UBE2U: variants seen among roughly 807,000 people sequenced by gnomAD.
The protein encoded by UBE2U is ubiquitin-conjugating enzyme E2 U.
A neutral mutation model predicts 41.2 loss-of-function variants in UBE2U; 39 were observed. The observed-to-expected ratio is 0.95, with a 90% CI of 0.73 to 1.24. UBE2U has a LOEUF of 1.24. UBE2U is among the 50% of genes most tolerant of loss of function. The pLI, the probability that UBE2U is intolerant of heterozygous loss-of-function variation, is 0.00. For missense variants in UBE2U, 336 were observed against 363.1 expected, an observed-to-expected ratio of 0.93 and a Z score of 0.61; for synonymous variants, 107 against 117.8, an observed-to-expected ratio of 0.91 and a Z score of 0.60.
chr1:64,221,151 G>A (rs747209003), intron 6 of UBE2U, among the ~76,000 whole-genome samples: 2 of 151,864 alleles, frequency 1.3e-5, no homozygotes, highest in Non-Finnish European at 2.9e-5. Flanking sequence ...TGCTCTTGTC[G>A]CCCAGGCTGG....
At chr1:64,216,879 G>T (rs1359885759) in intron 5 of UBE2U, among the ~76,000 whole-genome samples, 1 of 152,132 alleles carries the variant, frequency 6.6e-6, no homozygotes, top group African/African-American at 2.4e-5. Context: ...TTTCCTTGTG[G>T]CCTGGCCCCT....
At chr1:64,262,096 A>T (rs1030966868) in intron 9 of UBE2U, among the ~76,000 whole-genome samples, 1 of 152,164 alleles carries the variant, frequency 6.6e-6, no homozygotes, top group Non-Finnish European at 1.5e-5. Context: ...TTCATAAAAA[A>T]ATTTGAGCAG....
intron 8 of UBE2U, among the ~76,000 whole-genome samples, chr1:64,242,376 AT>A (rs1214710261): frequency 6.6e-6 from 1 of 151,964 alleles, no homozygotes; most frequent in Non-Finnish European, 1.5e-5. Context: ...TGTGCTAGTC[AT>A]TTTTTCTGGT....
intron 8 of UBE2U, among the ~76,000 whole-genome samples, chr1:64,260,059 T>C (rs953106768): frequency 1.8e-4 from 27 of 151,842 alleles, no homozygotes; most frequent in African/African-American, 6.3e-4. Context: ...GAAAAGGTCA[T>C]GTGACATTGG....
At chr1:64,222,481 T>C (rs1257039560) in intron 6 of UBE2U, among the ~76,000 whole-genome samples, 3 of 152,202 alleles carry the variant, frequency 2.0e-5, no homozygotes. Flanking sequence ...GGATAAATGA[T>C]GCTAGAATCA....
chr1:64,260,717 T>C, intron 9 of UBE2U, 23 bp downstream of exon 9: 2 of 1,531,450 alleles, frequency 1.3e-6, no homozygotes, highest in Non-Finnish European at 1.8e-6. Flanking sequence ...ACTCTATTTG[T>C]TTTGCTTTTA....
At chr1:64,242,077 A>C (rs778801991) in intron 8 of UBE2U, among the ~76,000 whole-genome samples, 1 of 152,100 alleles carries the variant, frequency 6.6e-6, no homozygotes, top group Non-Finnish European at 1.5e-5. Context: ...AAAAAAGAAA[A>C]GCAAAAAACT....
At chr1:64,264,449 GT>G (rs1645223242) in intron 9 of UBE2U, among the ~76,000 whole-genome samples, 1 of 152,026 alleles carries the variant, frequency 6.6e-6, no homozygotes, top group Admixed American at 6.6e-5. Context: ...AAATAATATT[GT>G]TTTTTATGTT....
Position 64,210,836 on chromosome 1 carries a change from A to G in UBE2U, c.336A>G (p.Leu112=). The G allele has an allele frequency of 1.3e-6, 2 of 1,594,126 alleles. No homozygotes were observed. The highest frequency in any genetic ancestry group is 1.1e-5 in the South Asian group (1 of 87,800). The part of the protein sequence containing the change: ...NYTLSSILLA[L]QVMLSNPVLE... The stretch of plus-strand genomic sequence containing the variant: ...CATTGAGCAGCATCTTACTTGCCCT[A>G]CAGGTAAGAATGGATTTCATATAAT... Residue 112 remains leucine, a synonymous_variant, in exon 4 of 10, where the codon CTA becomes CTG. Transcript: ENST00000371077.
intron 6 of UBE2U, among the ~76,000 whole-genome samples, chr1:64,224,631 G>A (rs1368175113): frequency 2.0e-5 from 3 of 151,982 alleles, no homozygotes. Flanking sequence ...GCTGAGTCAG[G>A]AGAATCGCTT....
chr1:64,241,228 CT>C (rs1388696944), intron 7 of UBE2U, among the ~76,000 whole-genome samples: 1 of 152,110 alleles, frequency 6.6e-6, no homozygotes, highest in East Asian at 1.9e-4. Flanking sequence ...TGAATCTCTT[CT>C]TTTGAAAAAA....
chr1:64,238,864 A>G (rs1306878127), intron 7 of UBE2U, among the ~76,000 whole-genome samples: 1 of 151,828 alleles, frequency 6.6e-6, no homozygotes, highest in Non-Finnish European at 1.5e-5. Context: ...CAAAATAGGG[A>G]GACCCCATCT....
chr1:64,260,189 C>A (rs565470328), intron 8 of UBE2U, among the ~76,000 whole-genome samples: 2 of 152,184 alleles, frequency 1.3e-5, no homozygotes, highest in South Asian at 2.1e-4. Context: ...GGGAGGGAGG[C>A]CCTGCTGCCA....
rs112796741 is a variant in UBE2U at position 64,239,174 on chromosome 1, A to G, written c.596-2478A>G. Among the ~76,000 whole-genome samples the G allele has an allele frequency of 3.3e-3, 314 of 94,504 alleles. 3 individuals are homozygous for G. Among genetic ancestry groups the G allele is most frequent in the Admixed American group, 0.012 (115 of 9,494 alleles). The allele number at this position is 94,504 out of a possible 152,430, so 62.0% of individuals were successfully genotyped here. ...AGAAGAAGAAAGAAGAAGAAGAAGA[A>G]GAAGAAGAAGAAGAAGAAAGCCCCA... is the stretch of plus-strand genomic sequence containing the variant. On this transcript the variant is annotated intron_variant, in intron 7 of 9. Coordinates refer to ENST00000371077, the MANE Select transcript of UBE2U (RefSeq NM_001366232.2).
chr1:64,233,544 T>C (rs1157539767), intron 7 of UBE2U, among the ~76,000 whole-genome samples: 1 of 152,176 alleles, frequency 6.6e-6, no homozygotes, highest in Non-Finnish European at 1.5e-5. Flanking sequence ...AGAGAAAAGC[T>C]TTCACACCAG....
chr1:64,241,060 T>C (rs11208387), intron 7 of UBE2U, among the ~76,000 whole-genome samples: 26,182 of 152,160 alleles, frequency 0.17, 2,610 homozygotes, highest in East Asian at 0.42. Flanking sequence ...AGTTAGTTTT[T>C]ATAAGGTAAC....
chr1:64,260,177 G>A (rs950118645), intron 8 of UBE2U, among the ~76,000 whole-genome samples: 11 of 152,114 alleles, frequency 7.2e-5, no homozygotes, highest in Non-Finnish European at 1.3e-4. Flanking sequence ...AGGGCTTTCC[G>A]AGGGAGGGAG....
chr1:64,239,126 GAA>G (rs1280440292), intron 7 of UBE2U, among the ~76,000 whole-genome samples: 189 of 22,154 alleles, frequency 8.5e-3, no homozygotes, highest in East Asian at 0.079. Context: ...AGAAGAAGAA[GAA>G]GAAGAAGAAG....
intron 9 of UBE2U, among the ~76,000 whole-genome samples, chr1:64,264,809 G>T (rs1274137581): frequency 6.6e-6 from 1 of 152,152 alleles, no homozygotes; most frequent in African/African-American, 2.4e-5. Flanking sequence ...AATTAGCTGG[G>T]CATGGTGGTG....
Sources: allele counts gnomAD v4.1 joint callset (sites outside exome capture counted in the v4.1 genomes callset), GRCh38; gene constraint gnomAD v4.1.1; transcripts MANE v1.5; gene names NCBI Gene and HGNC (gene_info 2026-07-23, HGNC 2026-07-21).